The following ALK variants were observed in gnomAD, a reference collection of about 807,000 sequenced individuals.
ALK encodes the protein ALK tyrosine kinase receptor.
Under a neutral mutation model 163.1 loss-of-function variants are expected in ALK, and 74 were observed. The observed-to-expected ratio is 0.45, with a 90% CI of 0.38 to 0.55. The LOEUF (loss-of-function observed/expected upper bound fraction) is 0.55, where lower values mean the gene tolerates loss of function less well. Ranked by LOEUF, ALK falls within the 20% of genes least tolerant of loss-of-function variation. The probability of loss-of-function intolerance (pLI) is 0.00; values close to 1 mark genes in which losing one functional copy is unlikely to be tolerated. For missense variants in ALK, 2,063 were observed against 2,105.3 expected (o/e 0.98, Z 0.39); for synonymous variants, 960 against 843.2 (o/e 1.14, Z -2.40).
intron 1 of ALK, among the ~76,000 whole-genome samples, chr2:29,853,923 T>TC (rs1213878471): frequency 1.3e-5 from 2 of 151,386 alleles, no homozygotes; most frequent in Non-Finnish European, 2.9e-5. Context: ...CTTTTTTTTT[T>TC]TCCTGAGACA....
At chr2:29,853,685 A>T (rs1666063806) in intron 1 of ALK, among the ~76,000 whole-genome samples, 1 of 152,096 alleles carries the variant, frequency 6.6e-6, no homozygotes, top group Non-Finnish European at 1.5e-5. Flanking sequence ...TTTCTGTTGC[A>T]CTTGCAATAA....
chr2:29,261,136 G>A (rs895517977), intron 11 of ALK, among the ~76,000 whole-genome samples: 5 of 152,124 alleles, frequency 3.3e-5, no homozygotes, highest in Admixed American at 6.6e-5. Flanking sequence ...CTGGCTTTCT[G>A]TAATTTCTAG....
intron 9 of ALK, among the ~76,000 whole-genome samples, chr2:29,281,080 C>G (rs1328796317): frequency 6.6e-6 from 1 of 150,846 alleles, no homozygotes; most frequent in African/African-American, 2.4e-5. Flanking sequence ...CTAGTATGTA[C>G]CAGGTGGTCC....
chr2:29,220,726 G>A lies in ALK; in HGVS notation c.3625C>T (p.Arg1209Ter), dbSNP rs769449619. ...MAGGDLKSFL[R>*]ETRPRPSQPS... is the part of the protein sequence containing the mutation. Reference sequence around the variant, plus strand: ...CTCACCGGGCGAGGGCGGGTCTCTCGGAGGAAGGACTTGAGGTCTCCCCCC... The same window carrying A: ...CTCACCGGGCGAGGGCGGGTCTCTCAGAGGAAGGACTTGAGGTCTCCCCCC... Residue 1209 changes from arginine (R) to a stop codon, truncating the protein, a stop_gained, in exon 23 of 29, where the codon CGA (arginine) becomes TGA (stop). Transcript: ENST00000389048. LOFTEE classifies it high-confidence loss of function. The A allele has an allele frequency of 7.4e-6, 12 of 1,613,778 alleles. No homozygotes were observed. Among genetic ancestry groups the A allele is most frequent in the African/African-American group, 1.3e-5 (1 of 74,998 alleles).
At chr2:29,374,684 C>T (rs1668713370) in intron 5 of ALK, among the ~76,000 whole-genome samples, 1 of 152,108 alleles carries the variant, frequency 6.6e-6, no homozygotes, top group East Asian at 1.9e-4. Flanking sequence ...GCAGATGGAA[C>T]CAAAGCTTGA....
chr2:29,848,798 C>T (rs4074195), intron 1 of ALK, among the ~76,000 whole-genome samples: 46,791 of 151,968 alleles, frequency 0.31, 7,625 homozygotes, highest in East Asian at 0.54. Flanking sequence ...CTTAGGAGAC[C>T]GGCTGGGGAG....
intron 3 of ALK, among the ~76,000 whole-genome samples, chr2:29,537,991 T>G (rs1201546625): frequency 6.6e-6 from 1 of 152,246 alleles, no homozygotes; most frequent in Non-Finnish European, 1.5e-5. Context: ...GGAACAAGAA[T>G]GTTTACCCAA....
intron 4 of ALK, among the ~76,000 whole-genome samples, chr2:29,517,826 C>T (rs569845320): frequency 7.9e-5 from 12 of 152,196 alleles, no homozygotes; most frequent in African/African-American, 1.9e-4. Context: ...GACTTCTGGC[C>T]GTATGATTTG....
chr2:29,221,008 G>A lies in ALK; in HGVS notation c.3516-173C>T, dbSNP rs756950915. 3.0e-5 allele frequency: 26 copies of A among 876,744 alleles called. No homozygotes were observed. The South Asian group carries it at 3.7e-4, about 13-fold the overall frequency. 54.3% of individuals were successfully genotyped at this position (876,744 alleles called of 1,614,324 possible). A position where few individuals can be genotyped will look rare whatever the true frequency, so the allele number is the denominator to read the frequency against. ...TGAGCCTAAACCCAGAATCTTGCTG[G>A]TGAGCAGGTGGGAAGAACCACAGCA... On this transcript the variant is annotated intron_variant, in intron 22 of 28. Transcript: ENST00000389048.
intron 1 of ALK, among the ~76,000 whole-genome samples, chr2:29,911,535 A>G (rs1667702723): frequency 6.6e-6 from 1 of 152,246 alleles, no homozygotes; most frequent in Admixed American, 6.5e-5. Flanking sequence ...CAGGTAGGTA[A>G]AACTCTAAGT....
chr2:29,825,885 C>T (rs1302711030), intron 1 of ALK, among the ~76,000 whole-genome samples: 1 of 151,904 alleles, frequency 6.6e-6, no homozygotes, highest in Non-Finnish European at 1.5e-5. Context: ...ATCAAAACAA[C>T]AAAAAGGGCA....
Position 29,921,275 on chromosome 2 carries a change from G to GT in ALK, c.-617_-616insA, listed in dbSNP as rs1342965300. The GT allele has an allele frequency of 8.6e-6, 2 of 233,334 alleles. No individual in the cohort carries two copies. The highest frequency in any genetic ancestry group is 1.7e-5 in the Non-Finnish European group (2 of 118,212). The allele number at this position is 233,334 out of a possible 1,614,324, so 14.5% of individuals were successfully genotyped here. A position where few individuals can be genotyped will look rare whatever the true frequency, so the allele number is the denominator to read the frequency against. On this transcript the variant is annotated 5_prime_UTR_variant, in exon 1 of 29. Coordinates refer to ENST00000389048, the MANE Select transcript of ALK (RefSeq NM_004304.5). ...GAAGGCTTCGGACTGTCTGCCTGCT[G>GT]AACTTCTGGGCGTGAATCCCAGCCC... is the stretch of plus-strand genomic sequence containing the variant.
intron 4 of ALK, among the ~76,000 whole-genome samples, chr2:29,385,336 C>T (rs1457824871): frequency 6.6e-6 from 1 of 151,042 alleles, no homozygotes; most frequent in Non-Finnish European, 1.5e-5. Context: ...ATACCATTGT[C>T]CAGCAATAAC....
At chr2:29,297,131 G>C in intron 8 of ALK, 74 bp from the exon 9 acceptor site, 3 of 1,579,164 alleles carry the variant, frequency 1.9e-6, no homozygotes, top group Non-Finnish European at 2.6e-6. Flanking sequence ...CTCCACTGAA[G>C]TTTCAAGGAC....
intron 14 of ALK, 131 bp downstream of exon 14, chr2:29,233,434 C>T (rs1335002945): frequency 2.9e-6 from 4 of 1,359,754 alleles, no homozygotes; most frequent in Non-Finnish European, 4.2e-6. Flanking sequence ...GAATGAGCCA[C>T]TGTACCTGGC....
At chr2:29,264,777 CT>C (rs976233424) in intron 11 of ALK, among the ~76,000 whole-genome samples, 1 of 152,168 alleles carries the variant, frequency 6.6e-6, no homozygotes, top group Non-Finnish European at 1.5e-5. Flanking sequence ...TTTGGGGCTC[CT>C]GTTTTAGTGT....
intron 8 of ALK, among the ~76,000 whole-genome samples, chr2:29,297,881 A>G (rs1666244617): frequency 6.8e-6 from 1 of 147,952 alleles, no homozygotes; most frequent in Non-Finnish European, 1.5e-5. Context: ...ATATCATATC[A>G]TTGCCTAAAA....
intron 1 of ALK, among the ~76,000 whole-genome samples, chr2:29,862,546 T>C (rs1408500585): frequency 1.3e-5 from 2 of 152,130 alleles, no homozygotes; most frequent in Non-Finnish European, 2.9e-5. Flanking sequence ...TTAAAAAACC[T>C]ACAAATAAAT....
chr2:29,849,127 A>G (rs1444834606), intron 1 of ALK, among the ~76,000 whole-genome samples: 2 of 152,086 alleles, frequency 1.3e-5, no homozygotes, highest in East Asian at 1.9e-4. Flanking sequence ...CTCTCTAAGC[A>G]TCACCTTCCT....
Sources: allele counts gnomAD v4.1 joint callset (sites outside exome capture counted in the v4.1 genomes callset), GRCh38; gene constraint gnomAD v4.1.1; transcripts MANE v1.5; gene names NCBI Gene and HGNC (gene_info 2026-07-23, HGNC 2026-07-21).